The following TBC1D8 variants were observed in gnomAD, a reference collection of about 807,000 sequenced individuals.
TBC1D8 encodes BUB2-like protein 1.
A neutral mutation model predicts 118.8 loss-of-function variants in TBC1D8; 65 were observed. The observed-to-expected ratio is 0.55, with a 90% CI of 0.45 to 0.67. The LOEUF (loss-of-function observed/expected upper bound fraction) is 0.67. Ranked by LOEUF, TBC1D8 falls within the 30% of genes least tolerant of loss-of-function variation. TBC1D8 has a pLI of 0.00. For synonymous variants in TBC1D8, 566 were observed against 595.8 expected (o/e 0.95, Z 0.73); for missense variants, 1,376 against 1,471.2 (o/e 0.94, Z 1.06).
chr2:101,120,070 G>C (rs1339496423), intron 1 of TBC1D8, among the ~76,000 whole-genome samples: 1 of 152,290 alleles, frequency 6.6e-6, no homozygotes, highest in East Asian at 1.9e-4. Context: ...ACAGTGCAGA[G>C]AGGGTCCCTG....
At chr2:101,126,615 G>A (rs1678368480) in intron 1 of TBC1D8, among the ~76,000 whole-genome samples, 1 of 152,122 alleles carries the variant, frequency 6.6e-6, no homozygotes, top group South Asian at 2.1e-4. Flanking sequence ...TACAGAGAGA[G>A]GTAAAGTAGT....
At chr2:101,057,456 G>A (rs1004879056) in intron 3 of TBC1D8, among the ~76,000 whole-genome samples, 1 of 152,186 alleles carries the variant, frequency 6.6e-6, no homozygotes, top group African/African-American at 2.4e-5. Flanking sequence ...TGCTATGTAA[G>A]CCCAAGTGCT....
intron 1 of TBC1D8, among the ~76,000 whole-genome samples, chr2:101,118,805 C>A (rs1288644782): frequency 1.3e-5 from 2 of 152,016 alleles, no homozygotes; most frequent in Admixed American, 6.6e-5. Context: ...CCCACGAGTT[C>A]GAGACCAGAC....
chr2:101,081,089 TA>T (rs1291766217), intron 2 of TBC1D8, among the ~76,000 whole-genome samples: 2 of 152,256 alleles, frequency 1.3e-5, no homozygotes, highest in Non-Finnish European at 2.9e-5. Context: ...CTCAATTTTT[TA>T]AAACATATGC....
At chr2:101,103,881 TAG>T (rs776738160) in intron 1 of TBC1D8, among the ~76,000 whole-genome samples, 3 of 151,642 alleles carry the variant, frequency 2.0e-5, no homozygotes, top group Non-Finnish European at 2.9e-5. Context: ...GATATATATA[TAG>T]AGAGAGAGAG....
chr2:101,042,719 A>G (rs1681457378), intron 5 of TBC1D8, among the ~76,000 whole-genome samples: 1 of 152,042 alleles, frequency 6.6e-6, no homozygotes, highest in Admixed American at 6.6e-5. Context: ...TATTTTGCTT[A>G]CATTTTCTAC....
At position 101,007,990 on chromosome 2, in the gene TBC1D8, A is replaced by C. The variant is rs1213226047; in HGVS notation, c.3299T>G (p.Leu1100Arg). The C allele has an allele frequency of 1.2e-6, 2 of 1,614,034 alleles. No individual in the cohort carries two copies. The highest frequency in any genetic ancestry group is 1.7e-6 in the Non-Finnish European group (2 of 1,179,890). ...EAAERDWTVS[L>R]EHILASLLTE... is the part of the protein sequence containing the mutation. ...CAGAAGTGAAGCTAAAATATGTTCA[A>C]GGGAGACAGTCCAGTCCCTTTCTGC... Residue 1100 changes from leucine (L) to arginine (R), a missense_variant, in exon 20 of 20, where the codon CTT (leucine) becomes CGT (arginine). By Grantham distance (102) the Leu-to-Arg change is moderately radical. Coordinates refer to ENST00000409318, the MANE Select transcript of TBC1D8 (RefSeq NM_001330348.2).
chr2:101,097,608 G>A (rs1243455228), intron 1 of TBC1D8, among the ~76,000 whole-genome samples: 4 of 151,632 alleles, frequency 2.6e-5, no homozygotes, highest in Non-Finnish European at 5.9e-5. Context: ...GCACAAACCT[G>A]TAATCCCAGC....
At chr2:101,042,101 T>TA (rs1558647391) in intron 5 of TBC1D8, among the ~76,000 whole-genome samples, 1 of 152,124 alleles carries the variant, frequency 6.6e-6, no homozygotes, top group East Asian at 1.9e-4. Flanking sequence ...ATTATCTTTT[T>TA]AAAAATATAT....
chr2:101,069,463 G>A lies in TBC1D8; in HGVS notation c.284-9924C>T, dbSNP rs543726141. ...TTGCCGGGCGTGGTGGTGCTTGCCT[G>A]TAATCCCAGCTACTCAGGAGGCTGA... is the stretch of plus-strand genomic sequence containing the variant. On this transcript the variant is annotated intron_variant, in intron 2 of 19. Coordinates refer to ENST00000409318, the MANE Select transcript of TBC1D8 (RefSeq NM_001330348.2). Among the ~76,000 whole-genome samples, 3 of 152,166 alleles carry A rather than the reference G, an allele frequency of 2.0e-5. No individual in the cohort carries two copies. In the South Asian group the frequency reaches 6.2e-4, roughly 32 times the overall value.
intron 1 of TBC1D8, among the ~76,000 whole-genome samples, chr2:101,129,964 T>C (rs1250311849): frequency 2.6e-5 from 4 of 151,374 alleles, no homozygotes; most frequent in Non-Finnish European, 5.9e-5. Flanking sequence ...AGTAACAGCA[T>C]CCTCCCTCAG....
In TBC1D8 at chr2:101,115,050, C is replaced by G. The variant is rs555832290; in HGVS notation, c.128-24686G>C. On this transcript the variant is annotated intron_variant, in intron 1 of 19. Transcript: ENST00000409318. ...TCCAGCTACCAAGAAAGCTTTGGAT[C>G]GGGGCTCAGTCACGTGCGGATCCCA... 9.5e-4 allele frequency among the ~76,000 whole-genome samples: 144 copies of G among 152,294 alleles called. No individual in the cohort carries two copies. In the Middle Eastern group the frequency reaches 0.01, roughly 11 times the overall value.
intron 15 of TBC1D8, among the ~76,000 whole-genome samples, chr2:101,022,757 A>G (rs1321420905): frequency 6.6e-6 from 1 of 152,202 alleles, no homozygotes; most frequent in Non-Finnish European, 1.5e-5. Flanking sequence ...CGTAAAATGT[A>G]CCAATGTAAC....
intron 2 of TBC1D8, among the ~76,000 whole-genome samples, chr2:101,080,850 C>T (rs1675219216): frequency 1.3e-5 from 2 of 151,884 alleles, no homozygotes; most frequent in South Asian, 4.2e-4. Flanking sequence ...TAGCACGATC[C>T]CAGTTCACTG....
chr2:101,093,268 G>C lies in TBC1D8; in HGVS notation c.128-2904C>G, dbSNP rs562071186. ...CATTTTTAGGGATCAAAAGTTATATGTGAGGACTTTTGACTGCACGGGGGT... is the reference window on the plus strand; with the variant it reads ...CATTTTTAGGGATCAAAAGTTATATCTGAGGACTTTTGACTGCACGGGGGT... On this transcript the variant is annotated intron_variant, in intron 1 of 19. Coordinates refer to ENST00000409318, the MANE Select transcript of TBC1D8 (RefSeq NM_001330348.2). 4.6e-5 allele frequency among the ~76,000 whole-genome samples: 7 copies of C among 152,228 alleles called. No individual in the cohort carries two copies. The East Asian group carries it at 1.4e-3, about 29-fold the overall frequency.
At chr2:101,011,309 TA>T in intron 18 of TBC1D8, 141 bp downstream of exon 18, 2 of 905,978 alleles carry the variant, frequency 2.2e-6, no homozygotes, top group South Asian at 1.6e-5. Context: ...TTCTGTCCTC[TA>T]AAGGCAGTGA....
At chr2:101,056,478 G>A (rs1014799498) in intron 3 of TBC1D8, among the ~76,000 whole-genome samples, 2 of 152,132 alleles carry the variant, frequency 1.3e-5, no homozygotes, top group African/African-American at 4.8e-5. Flanking sequence ...TTATAGGCGT[G>A]AGCCACCGCG....
chr2:101,061,972 T>G (rs1682778588), intron 2 of TBC1D8, among the ~76,000 whole-genome samples: 1 of 152,214 alleles, frequency 6.6e-6, no homozygotes, highest in South Asian at 2.1e-4. Context: ...GTCTGCTTGG[T>G]TCCTCAGCTG....
At chr2:101,082,370 T>C (rs1238326509) in intron 2 of TBC1D8, among the ~76,000 whole-genome samples, 1 of 152,154 alleles carries the variant, frequency 6.6e-6, no homozygotes, top group African/African-American at 2.4e-5. Flanking sequence ...CAGAGGGCTC[T>C]GCACGAGATA....
Sources: gnomAD v4.1 joint callset for allele counts (sites outside exome capture counted in the v4.1 genomes callset) on GRCh38, gnomAD v4.1.1 for gene constraint, MANE v1.5 for transcripts, NCBI Gene and HGNC (gene_info 2026-07-23, HGNC 2026-07-21) for gene names.